The following ANO4 variants were observed in gnomAD, a reference collection of about 807,000 sequenced individuals.
ANO4 encodes anoctamin-4.
In ANO4, 69 loss-of-function variants were observed where a neutral mutation model predicts 141.9. That is an observed-to-expected ratio of 0.49 (90% confidence interval 0.40 to 0.59). The LOEUF (loss-of-function observed/expected upper bound fraction) is 0.59, where lower values mean the gene tolerates loss of function less well. Among genes scored for constraint, ANO4 ranks in the 20% least tolerant of loss-of-function variants. The pLI is 0.00. For missense variants in ANO4, 894 were observed against 1,162.2 expected, an observed-to-expected ratio of 0.77 and a Z score of 3.36; for synonymous variants, 350 against 394.3, an observed-to-expected ratio of 0.89 and a Z score of 1.33.
intron 5 of ANO4, among the ~76,000 whole-genome samples, chr12:100,955,854 C>A (rs147428297): frequency 2.1e-4 from 32 of 152,272 alleles, no homozygotes; most frequent in African/African-American, 7.2e-4. Context: ...TGGGAAACAA[C>A]ATAAACGATG....
chr12:100,823,758 A>G (rs946112606), intron 1 of ANO4, among the ~76,000 whole-genome samples: 8 of 152,036 alleles, frequency 5.3e-5, no homozygotes, highest in African/African-American at 1.9e-4. Context: ...ATTAAATCTG[A>G]AAAACCTATG....
At chr12:100,897,064 T>A (rs906592139) in intron 1 of ANO4, among the ~76,000 whole-genome samples, 1 of 152,224 alleles carries the variant, frequency 6.6e-6, no homozygotes, top group African/African-American at 2.4e-5. Flanking sequence ...GAATTCTGGC[T>A]ACAGCATCCA....
At chr12:100,801,471 G>A (rs1291120027) in intron 1 of ANO4, among the ~76,000 whole-genome samples, 4 of 151,334 alleles carry the variant, frequency 2.6e-5, no homozygotes, top group African/African-American at 9.7e-5. Context: ...TATAAGCAAA[G>A]CATTGCATTA....
intron 1 of ANO4, among the ~76,000 whole-genome samples, chr12:100,724,581 A>T (rs2031022798): frequency 6.6e-6 from 1 of 152,224 alleles, no homozygotes; most frequent in Non-Finnish European, 1.5e-5. Flanking sequence ...TAACAAAGAG[A>T]TCTGTTTGCA....
At position 100,814,588 on chromosome 12, in the gene ANO4, C is replaced by T. The variant is rs527839869; in HGVS notation, c.-141+19561C>T. 1.2e-4 allele frequency among the ~76,000 whole-genome samples: 18 copies of T among 152,100 alleles called. No homozygotes were observed. The South Asian group carries it at 3.7e-3, about 32-fold the overall frequency. The stretch of plus-strand genomic sequence containing the variant: ...ATGTTTTTATTGATACAAATATAAC[C>T]ACATGTTAAGGCAGGACTCTGTCTA... On this transcript the variant is annotated intron_variant, in intron 1 of 27. Transcript: ENST00000392977.
intron 3 of ANO4, among the ~76,000 whole-genome samples, chr12:100,925,169 C>T (rs2136114617): frequency 1.3e-5 from 2 of 152,098 alleles, no homozygotes; most frequent in East Asian, 1.9e-4. Context: ...AGATTTTGGG[C>T]CATTCAGTCT....
chr12:100,965,738 C>T (rs1371864220), intron 5 of ANO4, among the ~76,000 whole-genome samples: 1 of 151,940 alleles, frequency 6.6e-6, no homozygotes, highest in East Asian at 1.9e-4. Flanking sequence ...AACACCGTCT[C>T]ATCTTTCAGA....
chr12:100,934,748 G>T (rs186556977), intron 3 of ANO4, among the ~76,000 whole-genome samples: 2 of 152,090 alleles, frequency 1.3e-5, no homozygotes, highest in Admixed American at 1.3e-4. Context: ...CCATTTGTTT[G>T]TGTCCTCTTT....
At chr12:100,735,092 G>A (rs1593243155) in intron 2 of ANO4, among the ~76,000 whole-genome samples, 2 of 152,238 alleles carry the variant, frequency 1.3e-5, no homozygotes, top group East Asian at 3.9e-4. Context: ...ACCTTTCTGA[G>A]TTCAACCCCC....
intron 2 of ANO4, among the ~76,000 whole-genome samples, chr12:100,903,838 C>G (rs1391459598): frequency 1.3e-5 from 2 of 152,224 alleles, no homozygotes; most frequent in Non-Finnish European, 2.9e-5. Context: ...ACCTTCATTG[C>G]AGCACTAGAT....
intron 1 of ANO4, among the ~76,000 whole-genome samples, chr12:100,900,392 G>C (rs764490369): frequency 6.6e-6 from 1 of 152,050 alleles, no homozygotes; most frequent in Non-Finnish European, 1.5e-5. Context: ...CCATGTTGGT[G>C]TGCTGCACTC....
chr12:100,807,460 C>T (rs529818289), intron 1 of ANO4, among the ~76,000 whole-genome samples: 7 of 152,048 alleles, frequency 4.6e-5, no homozygotes, highest in African/African-American at 1.7e-4. Flanking sequence ...TTTGATCTTC[C>T]TACATGTTTA....
intron 3 of ANO4, among the ~76,000 whole-genome samples, chr12:100,786,684 A>G (rs1204355784): frequency 1.3e-5 from 2 of 152,192 alleles, no homozygotes; most frequent in Admixed American, 1.3e-4. Flanking sequence ...TACTATCCCC[A>G]AGGTGCCTCA....
chr12:100,834,165 G>A (rs114756819), intron 1 of ANO4, among the ~76,000 whole-genome samples: 7,597 of 152,244 alleles, frequency 0.05, 261 homozygotes, highest in South Asian at 0.065. Context: ...CGAGGTGAAT[G>A]AGCTCTGACT....
chr12:100,809,920 CT>C (rs563205091), intron 1 of ANO4, among the ~76,000 whole-genome samples: 84 of 152,206 alleles, frequency 5.5e-4, no homozygotes, highest in Admixed American at 3.6e-3. Flanking sequence ...CAGAGAGCCC[CT>C]ATGGAAGATT....
intron 22 of ANO4, among the ~76,000 whole-genome samples, chr12:101,104,613 G>GTA (rs757168703): frequency 1.1e-5 from 1 of 88,104 alleles, no homozygotes; most frequent in Non-Finnish European, 2.1e-5. Flanking sequence ...GTGTGTGTGT[G>GTA]TGTATGTATG....
At chr12:101,004,119 G>A (rs951708441) in intron 8 of ANO4, among the ~76,000 whole-genome samples, 5 of 131,192 alleles carry the variant, frequency 3.8e-5, no homozygotes, top group African/African-American at 1.2e-4. Flanking sequence ...ACTGAAACCT[G>A]GCAGTTATTT....
At chr12:100,875,669 A>T (rs1385020624) in intron 1 of ANO4, among the ~76,000 whole-genome samples, 1 of 152,218 alleles carries the variant, frequency 6.6e-6, no homozygotes, top group Non-Finnish European at 1.5e-5. Context: ...GACGTGGTAA[A>T]AAGTTGATCA....
chr12:101,073,747 CT>C (rs1347815218), intron 14 of ANO4, among the ~76,000 whole-genome samples: 1 of 152,062 alleles, frequency 6.6e-6, no homozygotes, highest in South Asian at 2.1e-4. Context: ...AACACTACCC[CT>C]GATCCTACCT....
Sources: allele counts gnomAD v4.1 joint callset (sites outside exome capture counted in the v4.1 genomes callset), GRCh38; gene constraint gnomAD v4.1.1; transcripts MANE v1.5; gene names NCBI Gene and HGNC (gene_info 2026-07-23, HGNC 2026-07-21).